LHFPL4: variants seen among roughly 807,000 people sequenced by gnomAD.
The protein encoded by LHFPL4 is LHFPL tetraspan subfamily member 4 protein.
LHFPL4 carries 6 observed loss-of-function variants against 20.0 expected under a neutral mutation model. The observed-to-expected ratio is 0.30, with a 90% CI of 0.16 to 0.59. The LOEUF is 0.59. Among genes scored for constraint, LHFPL4 ranks in the 20% least tolerant of loss-of-function variants. The probability of loss-of-function intolerance (pLI) is 0.88; values close to 1 mark genes in which losing one functional copy is unlikely to be tolerated. For synonymous variants in LHFPL4, 129 were observed against 143.8 expected, an observed-to-expected ratio of 0.90 and a Z score of 0.74; for missense variants, 215 against 331.2, an observed-to-expected ratio of 0.65 and a Z score of 2.72.
chr3:9,551,962 T>C (rs145522660), intron 2 of LHFPL4, among the ~76,000 whole-genome samples: 1 of 152,108 alleles, frequency 6.6e-6, no homozygotes, highest in Admixed American at 6.6e-5. Context: ...CTCAGATAAA[T>C]ATTTCCCCCA....
chr3:9,516,683 A>AGGT (rs916896966), intron 2 of LHFPL4, among the ~76,000 whole-genome samples: 27 of 151,848 alleles, frequency 1.8e-4, no homozygotes, highest in African/African-American at 6.3e-4. Context: ...CATGTTGGCT[A>AGGT]GGCTGGTCTC....
intron 2 of LHFPL4, among the ~76,000 whole-genome samples, chr3:9,527,532 A>G (rs964624790): frequency 1.3e-4 from 20 of 152,122 alleles, no homozygotes; most frequent in Non-Finnish European, 2.9e-5. Flanking sequence ...CCTGGGCAAC[A>G]TGGTGAAACC....
chr3:9,503,842 A>G (rs1237316760), intron 3 of LHFPL4, among the ~76,000 whole-genome samples: 2 of 152,280 alleles, frequency 1.3e-5, no homozygotes, highest in East Asian at 1.9e-4. Context: ...CCTGGGCAAC[A>G]TGGGGAAACC....
intron 2 of LHFPL4, among the ~76,000 whole-genome samples, chr3:9,529,401 C>T (rs537947898): frequency 6.6e-6 from 1 of 152,242 alleles, no homozygotes; most frequent in East Asian, 1.9e-4. Flanking sequence ...TTGCATTGCC[C>T]AGATCCAACA....
At position 9,506,310 on chromosome 3, in the gene LHFPL4, A is replaced by G; in HGVS notation, c.407-107T>C. 3.7e-6 allele frequency: 3 copies of G among 819,008 alleles called. No homozygotes were observed. The highest frequency in any genetic ancestry group is 6.1e-6 in the Non-Finnish European group (3 of 489,702). 50.7% of individuals were successfully genotyped at this position (819,008 alleles called of 1,614,324 possible). On this transcript the variant is annotated intron_variant, in intron 2 of 3. Coordinates refer to ENST00000287585, the MANE Select transcript of LHFPL4 (RefSeq NM_198560.3). The surrounding 1 kb of genome is among the most constrained non-coding windows in gnomAD (Gnocchi z 4.5). ...GCCCCACCCTATTGAGGGCACATCAACCCAACCACGTGCTTGTTACCCACT... is the reference window on the plus strand; with the variant it reads ...GCCCCACCCTATTGAGGGCACATCAGCCCAACCACGTGCTTGTTACCCACT...
At chr3:9,519,775 A>G (rs1451739211) in intron 2 of LHFPL4, among the ~76,000 whole-genome samples, 1 of 151,948 alleles carries the variant, frequency 6.6e-6, no homozygotes, top group Non-Finnish European at 1.5e-5. Context: ...GTTGTTCTCA[A>G]TTCCTGAGCT....
intron 2 of LHFPL4, among the ~76,000 whole-genome samples, chr3:9,535,591 T>C (rs534190313): frequency 4.6e-5 from 7 of 152,150 alleles, no homozygotes; most frequent in South Asian, 4.1e-4. Context: ...ATAAAACTCT[T>C]AGAAAAGGTG....
At chr3:9,516,662 C>T (rs7646901) in intron 2 of LHFPL4, among the ~76,000 whole-genome samples, 76,098 of 151,600 alleles carry the variant, frequency 0.5, 19,219 homozygotes, top group African/African-American at 0.56. Context: ...TTAGTAGAGA[C>T]GGGGTTTCAC....
At chr3:9,520,003 C>G (rs2046328130) in intron 2 of LHFPL4, among the ~76,000 whole-genome samples, 1 of 152,028 alleles carries the variant, frequency 6.6e-6, no homozygotes, top group Non-Finnish European at 1.5e-5. Context: ...ATTTAATTTG[C>G]TCTTCTTTTT....
chr3:9,527,830 A>ACACACACG (rs1432588112), intron 2 of LHFPL4, among the ~76,000 whole-genome samples: 1 of 151,772 alleles, frequency 6.6e-6, no homozygotes, highest in African/African-American at 2.4e-5. Flanking sequence ...ACACACACAC[A>ACACACACG]CACACACACA....
rs185751901 is a variant in LHFPL4, at chr3:9,537,263, G to A, written c.406+15011C>T. Among the ~76,000 whole-genome samples the A allele has an allele frequency of 2.2e-3, 340 of 152,086 alleles. 2 individuals are homozygous for A. Among genetic ancestry groups the A allele is most frequent in the East Asian group, 5.6e-3 (29 of 5,156 alleles). ...TGCCCTCCTTTCTGTTCCTGAAAAC[G>A]TGTCAAATTCATCCTCTCTTCCTGG... On this transcript the variant is annotated intron_variant, in intron 2 of 3. Transcript: ENST00000287585.
In LHFPL4 at chr3:9,552,470, C is replaced by G; in HGVS notation, c.210G>C (p.Leu70=). ...CCCGGCAGGTGAGCTCGCGGCCCGC[C>G]AGCCCGCTGCCCACGCAGTAGTGGA... ...GLFHYCVGSG[L]AGRELTCRGS... The change falls in exon 2 of 4, where the codon CTG becomes CTC. Residue 70 remains leucine, a synonymous_variant. Transcript: ENST00000287585. The G allele has an allele frequency of 6.2e-7, 1 of 1,613,106 alleles. No individual in the cohort carries two copies. The highest frequency in any genetic ancestry group is 8.5e-7 in the Non-Finnish European group (1 of 1,179,660).
intron 2 of LHFPL4, among the ~76,000 whole-genome samples, chr3:9,518,309 A>G (rs770650780): frequency 1.3e-5 from 2 of 152,096 alleles, no homozygotes; most frequent in Non-Finnish European, 2.9e-5. Flanking sequence ...TTGACTTGCT[A>G]ATAATTTGTT....
At chr3:9,529,216 A>T (rs771635375) in intron 2 of LHFPL4, among the ~76,000 whole-genome samples, 83 of 151,928 alleles carry the variant, frequency 5.5e-4, no homozygotes, top group Non-Finnish European at 1.9e-4. Context: ...TTTAGTAGAG[A>T]CGGGGTTTCA....
In LHFPL4 at chr3:9,502,354, AAGTC is replaced by A. The variant is rs199510085; in HGVS notation, c.644-47_644-44del. Reference sequence around the variant, plus strand: ...AGAGAGAAGGAGAGAGAATTAGAGAAAGTCAGAGGCTGCCTGGGCATTCAGGCTT... The same window carrying A: ...AGAGAGAAGGAGAGAGAATTAGAGAAAGAGGCTGCCTGGGCATTCAGGCTT... On this transcript the variant is annotated intron_variant, in intron 3 of 3. Coordinates refer to ENST00000287585, the MANE Select transcript of LHFPL4 (RefSeq NM_198560.3). The A allele has an allele frequency of 9.0e-3, 12,738 of 1,407,866 alleles. 71 individuals carry two copies. Among genetic ancestry groups the A allele is most frequent in the Non-Finnish European group, 0.011 (10,995 of 996,494 alleles). 87.2% of individuals were successfully genotyped at this position (1,407,866 alleles called of 1,614,324 possible).
Position 9,502,140 on chromosome 3 carries a change from T to G in LHFPL4, c.*71A>C. The G allele has an allele frequency of 9.3e-7, 1 of 1,077,746 alleles. No individual in the cohort carries two copies. The highest frequency in any genetic ancestry group is 1.4e-6 in the Non-Finnish European group (1 of 697,950). 66.8% of individuals were successfully genotyped at this position (1,077,746 alleles called of 1,614,324 possible). A position where few individuals can be genotyped will look rare whatever the true frequency, so the allele number is the denominator to read the frequency against. Reference sequence around the variant, plus strand: ...TCAGGGTCTTCCCTCAGAGCTTGAATGGAGTGACGAGAGGGCAGAAGGCAG... The same window carrying G: ...TCAGGGTCTTCCCTCAGAGCTTGAAGGGAGTGACGAGAGGGCAGAAGGCAG... On this transcript the variant is annotated 3_prime_UTR_variant, in exon 4 of 4. Coordinates refer to ENST00000287585, the MANE Select transcript of LHFPL4 (RefSeq NM_198560.3).
chr3:9,534,105 C>T (rs1018717105), intron 2 of LHFPL4, among the ~76,000 whole-genome samples: 2 of 151,432 alleles, frequency 1.3e-5, no homozygotes, highest in Non-Finnish European at 2.9e-5. Flanking sequence ...ATGCAGTAGT[C>T]CCCGCTATTT....
At chr3:9,526,155 T>C (rs530891817) in intron 2 of LHFPL4, among the ~76,000 whole-genome samples, 4 of 152,232 alleles carry the variant, frequency 2.6e-5, no homozygotes, top group East Asian at 3.9e-4. Context: ...ATGATTCCAT[T>C]TATATGAGCT....
intron 2 of LHFPL4, chr3:9,551,115 T>G (rs889920776): frequency 1.1e-4 from 17 of 152,190 alleles, no homozygotes; most frequent in Non-Finnish European, 2.2e-4. Flanking sequence ...TTACACCCCA[T>G]GCTCCAAAGC....
Sources: allele counts gnomAD v4.1 joint callset (sites outside exome capture counted in the v4.1 genomes callset), GRCh38; gene constraint gnomAD v4.1.1; non-coding constraint Gnocchi (gnomAD v3.1); transcripts MANE v1.5; gene names NCBI Gene and HGNC (gene_info 2026-07-23, HGNC 2026-07-21).